The following DCC variants were observed in gnomAD, a reference collection of about 807,000 sequenced individuals.
The protein encoded by DCC is DCC netrin 1 receptor, also known as netrin receptor DCC.
In DCC, 58 loss-of-function variants were observed where a neutral mutation model predicts 172.5. The ratio of observed to expected loss-of-function variants is 0.34; its 90% CI spans 0.27 to 0.42. The LOEUF is 0.42. Ranked by LOEUF, DCC falls within the 10% of genes least tolerant of loss-of-function variation. The pLI, the probability that DCC is intolerant of heterozygous loss-of-function variation, is 1.00. For synonymous variants in DCC, 709 were observed against 644.5 expected (o/e 1.10, Z -1.52); for missense variants, 1,740 against 1,791.0 (o/e 0.97, Z 0.51).
chr18:53,494,530 T>C (rs1013918675), intron 26 of DCC, among the ~76,000 whole-genome samples: 14 of 152,230 alleles, frequency 9.2e-5, no homozygotes, highest in Admixed American at 7.2e-4. Context: ...GATACTTAGC[T>C]CTTCTTGTTG....
At chr18:53,421,419 A>G (rs1442876335) in intron 21 of DCC, among the ~76,000 whole-genome samples, 1 of 152,144 alleles carries the variant, frequency 6.6e-6, no homozygotes, top group African/African-American at 2.4e-5. Flanking sequence ...AGTGTATTTA[A>G]TTCTCCATGA....
At chr18:52,781,715 A>G (rs2037548069) in intron 2 of DCC, among the ~76,000 whole-genome samples, 1 of 152,186 alleles carries the variant, frequency 6.6e-6, no homozygotes, top group Non-Finnish European at 1.5e-5. Flanking sequence ...AAACAGCTAT[A>G]GAGATCTTTA....
chr18:52,635,521 A>G (rs1178414518), intron 1 of DCC, among the ~76,000 whole-genome samples: 1 of 152,230 alleles, frequency 6.6e-6, no homozygotes, highest in African/African-American at 2.4e-5. Context: ...TTAAATTAGA[A>G]GGAAAAACGT....
At chr18:52,784,954 AGAG>A (rs1213826694) in intron 2 of DCC, among the ~76,000 whole-genome samples, 15 of 151,356 alleles carry the variant, frequency 9.9e-5, no homozygotes, top group African/African-American at 3.6e-4. Flanking sequence ...AGAGAGACAG[AGAG>A]AGAGAGACAT....
intron 15 of DCC, among the ~76,000 whole-genome samples, chr18:53,370,749 C>A (rs2058052885): frequency 6.6e-6 from 1 of 151,836 alleles, no homozygotes; most frequent in Non-Finnish European, 1.5e-5. Flanking sequence ...TTATCTCTCA[C>A]TATGCATTGA....
At chr18:53,175,047 A>G (rs2055069840) in intron 8 of DCC, among the ~76,000 whole-genome samples, 1 of 151,750 alleles carries the variant, frequency 6.6e-6, no homozygotes, top group Non-Finnish European at 1.5e-5. Context: ...AATGTAATCC[A>G]GCATATAAAC....
chr18:53,437,031 C>T (rs1241654074), intron 22 of DCC, among the ~76,000 whole-genome samples: 6 of 152,130 alleles, frequency 3.9e-5, no homozygotes, highest in Admixed American at 3.9e-4. Context: ...TCTCCCAAAG[C>T]CTCCACCTCT....
At chr18:52,805,851 A>G (rs922897743) in intron 2 of DCC, among the ~76,000 whole-genome samples, 9 of 152,228 alleles carry the variant, frequency 5.9e-5, no homozygotes, top group African/African-American at 2.2e-4. Flanking sequence ...AGAGATAGGC[A>G]GTACCAGCTG....
intron 1 of DCC, among the ~76,000 whole-genome samples, chr18:52,421,094 T>C (rs1303335685): frequency 2.6e-5 from 4 of 152,152 alleles, no homozygotes; most frequent in Admixed American, 6.5e-5. Context: ...TAGTGCTATA[T>C]GAAATAAGGG....
chr18:52,928,580 C>T (rs1482965585), intron 5 of DCC, among the ~76,000 whole-genome samples: 1 of 152,052 alleles, frequency 6.6e-6, no homozygotes, highest in African/African-American at 2.4e-5. Flanking sequence ...TATATATGTA[C>T]ATATATGTGG....
chr18:53,312,524 A>G (rs1055184516), intron 13 of DCC, among the ~76,000 whole-genome samples: 1 of 46,244 alleles, frequency 2.2e-5, no homozygotes, highest in Non-Finnish European at 4.1e-5. Context: ...TTCAAAATAT[A>G]CATACAAAAA....
chr18:53,267,376 G>A lies in DCC; in HGVS notation c.1912-38202G>A, dbSNP rs111806864. On this transcript the variant is annotated intron_variant, in intron 12 of 28. Transcript: ENST00000442544. The stretch of plus-strand genomic sequence containing the variant: ...TAACTTTTGTATTTTTAGCAGAGAC[G>A]AGGTTTCATCATGTTGGCCAGCCTG... Among the ~76,000 whole-genome samples the A allele has an allele frequency of 3.3e-3, 500 of 152,178 alleles. 3 individuals are homozygous for A. Among genetic ancestry groups the A allele is most frequent in the African/African-American group, 0.011 (465 of 41,524 alleles).
chr18:53,028,599 C>G (rs1461614728), intron 5 of DCC, among the ~76,000 whole-genome samples: 1 of 152,036 alleles, frequency 6.6e-6, no homozygotes, highest in East Asian at 1.9e-4. Flanking sequence ...AACTTCTTAA[C>G]CTAATAGTTC....
intron 5 of DCC, chr18:52,934,723 A>C (rs532936543): frequency 3.3e-5 from 5 of 152,228 alleles, no homozygotes; most frequent in African/African-American, 1.2e-4. Context: ...AAATTAAATG[A>C]TGTCATAATG....
At chr18:53,008,395 C>T (rs374649770) in intron 5 of DCC, among the ~76,000 whole-genome samples, 4 of 152,026 alleles carry the variant, frequency 2.6e-5, no homozygotes, top group Admixed American at 6.6e-5. Flanking sequence ...AACTTTTAAA[C>T]ATTTCCATTA....
intron 25 of DCC, among the ~76,000 whole-genome samples, chr18:53,475,328 A>G (rs2045748822): frequency 1.3e-5 from 2 of 152,218 alleles, no homozygotes; most frequent in South Asian, 4.1e-4. Context: ...TAATAGGGGA[A>G]ATGTTTCCAG....
At chr18:52,911,838 G>A (rs537090863) in intron 3 of DCC, among the ~76,000 whole-genome samples, 1 of 151,774 alleles carries the variant, frequency 6.6e-6, no homozygotes. Flanking sequence ...GGTGCACTTA[G>A]CCTTTCATAG....
intron 9 of DCC, among the ~76,000 whole-genome samples, chr18:53,185,263 A>G (rs539693471): frequency 6.6e-6 from 1 of 152,268 alleles, no homozygotes; most frequent in South Asian, 2.1e-4. Flanking sequence ...GTCTTTGATA[A>G]TGACATATAT....
chr18:53,514,693 A>G (rs1158125590), intron 27 of DCC, among the ~76,000 whole-genome samples: 1 of 151,948 alleles, frequency 6.6e-6, no homozygotes, highest in Admixed American at 6.6e-5. Context: ...AAACTAGAAA[A>G]TCTAGAAGAA....
Sources: gnomAD v4.1 joint callset for allele counts (sites outside exome capture counted in the v4.1 genomes callset) on GRCh38, gnomAD v4.1.1 for gene constraint, MANE v1.5 for transcripts, NCBI Gene and HGNC (gene_info 2026-07-23, HGNC 2026-07-21) for gene names.